Variants in GNAQ observed in about 807,000 individuals in gnomAD.
GNAQ encodes guanine nucleotide-binding protein G(q) subunit alpha.
A neutral mutation model predicts 43.9 loss-of-function variants in GNAQ; 8 were observed. That is an observed-to-expected ratio of 0.18 (90% CI 0.11 to 0.33). The LOEUF (loss-of-function observed/expected upper bound fraction) is 0.33. Ranked by LOEUF, GNAQ falls within the 10% of genes least tolerant of loss-of-function variation. The probability of loss-of-function intolerance (pLI) is 1.00; values close to 1 mark genes in which losing one functional copy is unlikely to be tolerated. For missense variants in GNAQ, 158 were observed against 450.8 expected (o/e 0.35, Z 5.88); for synonymous variants, 155 against 170.7 (o/e 0.91, Z 0.71).
intron 5 of GNAQ, among the ~76,000 whole-genome samples, chr9:77,751,986 C>T (rs1042132797): frequency 6.6e-6 from 1 of 152,220 alleles, no homozygotes; most frequent in Non-Finnish European, 1.5e-5. Flanking sequence ...TGCTCATGTT[C>T]AGGCTGTGTG....
intron 2 of GNAQ, among the ~76,000 whole-genome samples, chr9:77,833,346 C>T (rs1587937329): frequency 2.0e-5 from 3 of 152,202 alleles, no homozygotes; most frequent in South Asian, 4.1e-4. Flanking sequence ...CTTGGGCAGT[C>T]GAATTCCCTA....
At chr9:77,737,298 T>C (rs896400398) in intron 5 of GNAQ, among the ~76,000 whole-genome samples, 19 of 152,252 alleles carry the variant, frequency 1.2e-4, no homozygotes, top group Non-Finnish European at 2.5e-4. Context: ...AACTGCTCTA[T>C]TGCACTGCAA....
At chr9:77,770,538 G>C (rs547623178) in intron 5 of GNAQ, among the ~76,000 whole-genome samples, 1 of 152,172 alleles carries the variant, frequency 6.6e-6, no homozygotes, top group Non-Finnish European at 1.5e-5. Context: ...GTGTTTTCTC[G>C]TTACTGTCTT....
intron 1 of GNAQ, among the ~76,000 whole-genome samples, chr9:77,991,274 T>TTGGCCTTTCCTCTTTATTAG (rs1287774760): frequency 8.5e-5 from 13 of 152,250 alleles, no homozygotes; most frequent in African/African-American, 2.9e-4. Flanking sequence ...ACACTATCAG[T>TTGGCCTTTCCTCTTTATTAG]TGGCCTTTCC....
At chr9:77,798,805 G>A (rs893204215) in intron 3 of GNAQ, among the ~76,000 whole-genome samples, 1 of 152,132 alleles carries the variant, frequency 6.6e-6, no homozygotes, top group Admixed American at 6.5e-5. Flanking sequence ...ATTTTTCTCT[G>A]AATATTTTTG....
chr9:77,854,054 A>G (rs187903929), intron 2 of GNAQ, among the ~76,000 whole-genome samples: 105 of 152,300 alleles, frequency 6.9e-4, no homozygotes, highest in African/African-American at 2.4e-3. Flanking sequence ...CAACCCAAAT[A>G]TAGATCCATT....
chr9:77,956,489 G>C (rs1235223551), intron 1 of GNAQ, among the ~76,000 whole-genome samples: 2 of 152,098 alleles, frequency 1.3e-5, no homozygotes, highest in African/African-American at 4.8e-5. Context: ...TTTAGTATAG[G>C]ATCCCTCACT....
intron 1 of GNAQ, among the ~76,000 whole-genome samples, chr9:78,006,813 T>C (rs897231588): frequency 2.6e-5 from 4 of 152,186 alleles, no homozygotes; most frequent in African/African-American, 4.8e-5. Context: ...CTCAGAGATA[T>C]GGCCTTGGCT....
At chr9:77,727,127 CA>C (rs1424615013) in intron 6 of GNAQ, among the ~76,000 whole-genome samples, 2 of 150,678 alleles carry the variant, frequency 1.3e-5, no homozygotes, top group Admixed American at 6.6e-5. Flanking sequence ...TCCCATCACC[CA>C]GGCAGGAGTA....
At chr9:77,781,389 T>C (rs566169600) in intron 5 of GNAQ, among the ~76,000 whole-genome samples, 1 of 152,202 alleles carries the variant, frequency 6.6e-6, no homozygotes, top group African/African-American at 2.4e-5. Context: ...TTGTCAAAAA[T>C]CAGTTGGCTA....
chr9:77,902,119 A>G, intron 2 of GNAQ, among the ~76,000 whole-genome samples: 1 of 152,334 alleles, frequency 6.6e-6, no homozygotes, highest in Non-Finnish European at 1.5e-5. Flanking sequence ...ATTTATCATA[A>G]ATAGGGTTAC....
At chr9:77,775,230 G>A (rs1319708856) in intron 5 of GNAQ, among the ~76,000 whole-genome samples, 2 of 152,038 alleles carry the variant, frequency 1.3e-5, no homozygotes, top group African/African-American at 4.8e-5. Context: ...GAGCAATGTT[G>A]TCTTTGGGAC....
chr9:77,894,727 G>A (rs1391022534), intron 2 of GNAQ, among the ~76,000 whole-genome samples: 1 of 151,658 alleles, frequency 6.6e-6, no homozygotes, highest in South Asian at 2.1e-4. Context: ...GCCTTTAATG[G>A]AATGTTTTTT....
chr9:77,911,789 G>A (rs1828809283), intron 2 of GNAQ, among the ~76,000 whole-genome samples: 1 of 152,170 alleles, frequency 6.6e-6, no homozygotes, highest in African/African-American at 2.4e-5. Flanking sequence ...ACTCTTGTTA[G>A]AGGAAATGCT....
intron 1 of GNAQ, among the ~76,000 whole-genome samples, chr9:77,966,940 G>A (rs966786636): frequency 2.6e-5 from 4 of 152,130 alleles, no homozygotes; most frequent in African/African-American, 9.7e-5. Context: ...CCTGCCCCAG[G>A]TCTTTCATTG....
intron 1 of GNAQ, among the ~76,000 whole-genome samples, chr9:77,978,518 GT>G (rs1823330686): frequency 6.6e-6 from 1 of 152,046 alleles, no homozygotes; most frequent in Non-Finnish European, 1.5e-5. Flanking sequence ...CTTGATGATT[GT>G]TTTCTCTCTG....
rs147624722 is a variant in GNAQ, at chr9:78,011,466, T to C, written c.136+19634A>G. Among the ~76,000 whole-genome samples, 179 of 152,302 alleles carry C rather than the reference T, an allele frequency of 1.2e-3. 2 individuals carry two copies. Among genetic ancestry groups the C allele is most frequent in the African/African-American group, 4.1e-3 (170 of 41,566 alleles). ...GAAGAGAATGCTTTGAAAGGTTTACTCTAGAAAACAGAAGAAAAAAATGGA... is the reference window on the plus strand; with the variant it reads ...GAAGAGAATGCTTTGAAAGGTTTACCCTAGAAAACAGAAGAAAAAAATGGA... On this transcript the variant is annotated intron_variant, in intron 1 of 6. Coordinates refer to ENST00000286548, the MANE Select transcript of GNAQ (RefSeq NM_002072.5).
chr9:77,854,591 T>G (rs1258029197), intron 2 of GNAQ, among the ~76,000 whole-genome samples: 1 of 152,208 alleles, frequency 6.6e-6, no homozygotes, highest in Non-Finnish European at 1.5e-5. Flanking sequence ...ACAAATGCCT[T>G]ATTTTCTCTG....
At chr9:77,823,113 G>C (rs1344273805) in intron 2 of GNAQ, among the ~76,000 whole-genome samples, 1 of 151,912 alleles carries the variant, frequency 6.6e-6, no homozygotes, top group Non-Finnish European at 1.5e-5. Context: ...CTAATTTTTT[G>C]TATTTTTAGT....
Sources: allele counts gnomAD v4.1 joint callset (sites outside exome capture counted in the v4.1 genomes callset), GRCh38; gene constraint gnomAD v4.1.1; transcripts MANE v1.5; gene names NCBI Gene and HGNC (gene_info 2026-07-23, HGNC 2026-07-21).